ZMYND8: variants seen among roughly 807,000 people sequenced by gnomAD.
ZMYND8 encodes MYND-type zinc finger-containing chromatin reader ZMYND8.
In ZMYND8, 37 loss-of-function variants were observed where a neutral mutation model predicts 140.8. The ratio of observed to expected loss-of-function variants is 0.26; its 90% confidence interval spans 0.20 to 0.35. The LOEUF (loss-of-function observed/expected upper bound fraction) is 0.35. Ranked by LOEUF, ZMYND8 falls within the 10% of genes least tolerant of loss-of-function variation. The pLI, the probability that ZMYND8 is intolerant of heterozygous loss-of-function variation, is 1.00. For synonymous variants in ZMYND8, 592 were observed against 597.1 expected (o/e 0.99, Z 0.12); for missense variants, 1,068 against 1,570.0 (o/e 0.68, Z 5.40).
Position 47,255,720 on chromosome 20 carries a change from GTGTATATATATATATATA to G in ZMYND8, c.1622-6299_1622-6282del, listed in dbSNP as rs1341619107. Among the ~76,000 whole-genome samples, 10 of 27,240 alleles carry G rather than the reference GTGTATATATATATATATA, an allele frequency of 3.7e-4. 1 individual carries two copies. Among genetic ancestry groups the G allele is most frequent in the African/African-American group, 1.1e-3 (10 of 9,136 alleles). 17.9% of individuals were successfully genotyped at this position (27,240 alleles called of 152,430 possible). ...ATATATATATATATACCGTGTATGTGTGTATATATATATATATATATATATATATATATATATATATAT... is the reference window on the plus strand; with the variant it reads ...ATATATATATATATACCGTGTATGTGTATATATATATATATATATATATAT... On this transcript the variant is annotated intron_variant, in intron 12 of 22. Coordinates refer to ENST00000471951, the MANE Select transcript of ZMYND8 (RefSeq NM_001281775.3).
In ZMYND8 at chr20:47,227,255, CTCTA is replaced by C; in HGVS notation, c.2960_2963del (p.Ile987ArgfsTer14). On this transcript the variant is annotated frameshift_variant, in exon 18 of 23. Coordinates refer to ENST00000471951, the MANE Select transcript of ZMYND8 (RefSeq NM_001281775.3). LOFTEE classifies it high-confidence loss of function. ...CTTGCTGGTGCAGCCACTGGAGCTT[CTCTA>C]TCTCGATCCTCAGCCTGCGAATCTG... 6.2e-7 allele frequency: 1 copy of C among 1,614,208 alleles called. No individual in the cohort carries two copies. The highest frequency in any genetic ancestry group is 8.5e-7 in the Non-Finnish European group (1 of 1,180,024).
chr20:47,354,943 A>C (rs138830226), intron 1 of ZMYND8, among the ~76,000 whole-genome samples: 1 of 152,332 alleles, frequency 6.6e-6, no homozygotes, highest in Non-Finnish European at 1.5e-5. Context: ...TGTGTTGGTC[A>C]GTGAGTCCTG....
At chr20:47,241,652 T>G (rs2039983458) in intron 14 of ZMYND8, among the ~76,000 whole-genome samples, 1 of 151,950 alleles carries the variant, frequency 6.6e-6, no homozygotes, top group African/African-American at 2.4e-5. Context: ...GGTGGCTCAG[T>G]TATGGATGCA....
intron 16 of ZMYND8, among the ~76,000 whole-genome samples, chr20:47,233,153 C>T (rs1411139274): frequency 6.6e-6 from 1 of 151,324 alleles, no homozygotes; most frequent in South Asian, 2.1e-4. Flanking sequence ...GCAATCCACC[C>T]GCCTGGGCCT....
intron 1 of ZMYND8, chr20:47,354,059 GCAGA>G (rs2083013041): frequency 5.3e-5 from 8 of 152,136 alleles, no homozygotes; most frequent in Admixed American, 5.2e-4. Context: ...CTGCTGCAAT[GCAGA>G]CATTTATTTT....
chr20:47,282,087 G>C lies in ZMYND8; in HGVS notation c.998+15C>G. On this transcript the variant is annotated intron_variant, in intron 10 of 22. Coordinates refer to ENST00000471951, the MANE Select transcript of ZMYND8 (RefSeq NM_001281775.3). ...AGTGAAAGCTACATGTTCCAAGCCTGTTATTAACTCCCACCTGTCATGTTG... is the reference window on the plus strand; with the variant it reads ...AGTGAAAGCTACATGTTCCAAGCCTCTTATTAACTCCCACCTGTCATGTTG... The C allele has an allele frequency of 6.2e-7, 1 of 1,605,824 alleles. No individual in the cohort carries two copies. Among genetic ancestry groups the C allele is most frequent in the Non-Finnish European group, 8.5e-7 (1 of 1,174,888 alleles).
chr20:47,355,390 C>A (rs1569271067), intron 1 of ZMYND8: 3 of 967,094 alleles, frequency 3.1e-6, no homozygotes, highest in East Asian at 1.1e-4. Context: ...ACAAACAGAC[C>A]CCAAATGTTC....
At chr20:47,247,636 A>G (rs1156241666) in intron 13 of ZMYND8, among the ~76,000 whole-genome samples, 1 of 152,176 alleles carries the variant, frequency 6.6e-6, no homozygotes. Flanking sequence ...AGGAAAGAAA[A>G]CCCAATCAAG....
chr20:47,353,348 G>A (rs944253768), intron 1 of ZMYND8: 3 of 152,222 alleles, frequency 2.0e-5, no homozygotes, highest in African/African-American at 7.2e-5. Flanking sequence ...TATAATCCAA[G>A]AGGCCCCCAA....
At chr20:47,247,789 T>C (rs1285769003) in intron 13 of ZMYND8, among the ~76,000 whole-genome samples, 1 of 152,148 alleles carries the variant, frequency 6.6e-6, no homozygotes, top group Non-Finnish European at 1.5e-5. Flanking sequence ...CATTGGGGAA[T>C]GTATCTGCCT....
chr20:47,314,760 T>A (rs1477771919), intron 2 of ZMYND8, among the ~76,000 whole-genome samples: 2 of 152,156 alleles, frequency 1.3e-5, no homozygotes, highest in African/African-American at 2.4e-5. Flanking sequence ...GAGGGGTTGG[T>A]TCAGGACTCA....
intron 14 of ZMYND8, among the ~76,000 whole-genome samples, chr20:47,242,078 A>G (rs1192934520): frequency 6.6e-6 from 1 of 152,010 alleles, no homozygotes; most frequent in African/African-American, 2.4e-5. Context: ...CGGCCTCCCA[A>G]AGTGCTGGGA....
At chr20:47,284,653 A>T (rs1460923303) in intron 8 of ZMYND8, among the ~76,000 whole-genome samples, 1 of 152,146 alleles carries the variant, frequency 6.6e-6, no homozygotes, top group African/African-American at 2.4e-5. Flanking sequence ...CTATGTCCAG[A>T]GTAGCTAATT....
chr20:47,311,545 T>TC (rs2078931590), intron 2 of ZMYND8, among the ~76,000 whole-genome samples: 1 of 152,198 alleles, frequency 6.6e-6, no homozygotes, highest in Non-Finnish European at 1.5e-5. Flanking sequence ...TGCAATGCAG[T>TC]CATCTTGCCT....
chr20:47,325,365 A>C (rs1366541179), intron 2 of ZMYND8, among the ~76,000 whole-genome samples: 1 of 152,154 alleles, frequency 6.6e-6, no homozygotes, highest in Non-Finnish European at 1.5e-5. Flanking sequence ...CCCAAAGTAC[A>C]TATCAGACCG....
chr20:47,235,807 C>T (rs1055999971), intron 16 of ZMYND8, among the ~76,000 whole-genome samples: 2 of 152,182 alleles, frequency 1.3e-5, no homozygotes, highest in Admixed American at 6.5e-5. Context: ...TCCTGCCCAC[C>T]ATGCCACTTA....
At chr20:47,356,146 T>C (rs1464044487) in intron 1 of ZMYND8, among the ~76,000 whole-genome samples, 1 of 151,932 alleles carries the variant, frequency 6.6e-6, no homozygotes, top group Non-Finnish European at 1.5e-5. Context: ...CCAGAACCTC[T>C]TTGGAGAGGC....
chr20:47,238,711 C>T, intron 15 of ZMYND8, 47 bp downstream of exon 15: 1 of 1,572,002 alleles, frequency 6.4e-7, no homozygotes, highest in Non-Finnish European at 8.6e-7. Context: ...GTCGATGTGG[C>T]AAAATGGGAG....
chr20:47,218,352 T>A (rs1490659347), intron 21 of ZMYND8, among the ~76,000 whole-genome samples: 1 of 152,208 alleles, frequency 6.6e-6, no homozygotes, highest in Non-Finnish European at 1.5e-5. Context: ...TCTGAAACGG[T>A]GTTTCCCTAA....
Sources: gnomAD v4.1 joint callset for allele counts (sites outside exome capture counted in the v4.1 genomes callset) on GRCh38, gnomAD v4.1.1 for gene constraint, MANE v1.5 for transcripts, NCBI Gene and HGNC (gene_info 2026-07-23, HGNC 2026-07-21) for gene names.